Variants in PTPN21 observed in about 807,000 individuals in gnomAD.
PTPN21 encodes the protein protein tyrosine phosphatase non-receptor type 21, also known as tyrosine-protein phosphatase non-receptor type 21.
A neutral mutation model predicts 131.8 loss-of-function variants in PTPN21; 77 were observed. The ratio of observed to expected loss-of-function variants is 0.58; its 90% CI spans 0.49 to 0.71. PTPN21 has a LOEUF of 0.71. Among genes scored for constraint, PTPN21 ranks in the 30% least tolerant of loss-of-function variants. PTPN21 has a pLI of 0.00. For synonymous variants in PTPN21, 715 were observed against 621.3 expected, an observed-to-expected ratio of 1.15 and a Z score of -2.24; for missense variants, 1,552 against 1,527.1, an observed-to-expected ratio of 1.02 and a Z score of -0.27.
rs1475427570 is a variant in PTPN21, at chr14:88,504,432, T to A, written c.580A>T (p.Lys194Ter). 6.2e-7 allele frequency: 1 copy of A among 1,601,188 alleles called. No homozygotes were observed. Residue 194 changes from lysine (K) to a stop codon, truncating the protein, a stop_gained, in exon 6 of 19, where the codon AAA becomes TAA. Coordinates refer to ENST00000556564, the MANE Select transcript of PTPN21 (RefSeq NM_007039.4). LOFTEE classifies it high-confidence loss of function. ...CTTATTTCTTAGAGTTACCTGTATT[T>A]CTGATGTAGTAAGGCCACTTTTTGG... ...ATQKVALLHQKYRGLTAPDAE... is the reference protein window; with the variant it reads ...ATQKVALLHQ
chr14:88,496,949 G>C (rs1209363068), intron 9 of PTPN21, among the ~76,000 whole-genome samples: 1 of 152,082 alleles, frequency 6.6e-6, no homozygotes, highest in Non-Finnish European at 1.5e-5. Flanking sequence ...CATAATCCCT[G>C]AAGTTTAATT....
At chr14:88,503,178 G>A (rs1337405982) in intron 6 of PTPN21, among the ~76,000 whole-genome samples, 17 of 151,670 alleles carry the variant, frequency 1.1e-4, no homozygotes, top group Admixed American at 9.2e-4. Flanking sequence ...TGAGACTACC[G>A]GTGCATGCCA....
At chr14:88,515,527 T>C (rs1019917842) in intron 3 of PTPN21, 8 of 152,186 alleles carry the variant, frequency 5.3e-5, no homozygotes, top group African/African-American at 1.9e-4. Context: ...CTAATGTCTA[T>C]TTTTAAAACC....
intron 2 of PTPN21, among the ~76,000 whole-genome samples, chr14:88,527,553 A>G (rs2139333747): frequency 6.6e-6 from 1 of 152,294 alleles, no homozygotes; most frequent in East Asian, 1.9e-4. Flanking sequence ...GATTCTGGAT[A>G]TTAGTCCTTT....
rs1164973810 is a variant in PTPN21 at position 88,496,451 on chromosome 14, AAC to A, written c.892_893del (p.Val298CysfsTer12). On this transcript the variant is annotated frameshift_variant, in exon 10 of 19. Transcript: ENST00000556564. LOFTEE classifies it high-confidence loss of function. ...ETAKYIWRLC[V>X]ARHKFYRLNQ... Reference sequence around the variant, plus strand: ...TTAGTCTGTAAAACTTGTGTCGCGCAACACAGAGTCTCCAAATGTATTTTGCT... The same window carrying A: ...TTAGTCTGTAAAACTTGTGTCGCGCAACAGAGTCTCCAAATGTATTTTGCT... The A allele has an allele frequency of 3.7e-6, 6 of 1,614,010 alleles. No individual in the cohort carries two copies. Among genetic ancestry groups the A allele is most frequent in the South Asian group, 2.2e-5 (2 of 91,064 alleles).
intron 2 of PTPN21, among the ~76,000 whole-genome samples, chr14:88,541,546 A>G (rs908790334): frequency 1.3e-5 from 2 of 152,238 alleles, no homozygotes; most frequent in Non-Finnish European, 2.9e-5. Flanking sequence ...GATGCATCAC[A>G]TACCTGCTGC....
chr14:88,508,120 A>C, intron 3 of PTPN21, 100 bp from the exon 4 acceptor site: 3 of 592,782 alleles, frequency 5.1e-6, no homozygotes, highest in Non-Finnish European at 8.4e-6. Flanking sequence ...AACCAGTGAA[A>C]TAAAACCTTA....
At chr14:88,515,055 G>A (rs1476819896) in intron 3 of PTPN21, 2 of 152,150 alleles carry the variant, frequency 1.3e-5, no homozygotes, top group East Asian at 1.9e-4. Flanking sequence ...TGGACCAAGA[G>A]GTAACCTAGT....
At chr14:88,506,336 T>C (rs968380007) in intron 4 of PTPN21, among the ~76,000 whole-genome samples, 1 of 151,554 alleles carries the variant, frequency 6.6e-6, no homozygotes, top group African/African-American at 2.4e-5. Context: ...TAAGACTGTC[T>C]CCAAAAAAAG....
intron 13 of PTPN21, among the ~76,000 whole-genome samples, chr14:88,478,122 A>G (rs2077574783): frequency 1.3e-5 from 2 of 152,214 alleles, no homozygotes; most frequent in Admixed American, 6.5e-5. Context: ...GGCTTACTGT[A>G]AATAGGCCAC....
At position 88,479,586 on chromosome 14, in the gene PTPN21, G is replaced by A. The variant is rs61744329; in HGVS notation, c.1845C>T (p.His615=). ...GGGGCTCGCTGACCTCCTGCAGCGA[G>A]TGCGCCACGGGCAGGCTGTCCTCCT... ...TFQEDSLPVA[H]SLQEVSEPLT... is the part of the protein sequence containing the mutation. The change falls in exon 13 of 19, where the codon CAC becomes CAT. Residue 615 remains histidine (H), a synonymous_variant. Transcript: ENST00000556564. 6.9e-3 allele frequency: 11,028 copies of A among 1,592,242 alleles called. 655 individuals are homozygous for A. The African/African-American group carries it at 0.13, about 19-fold the overall frequency.
At chr14:88,530,812 T>C (rs2078546166) in intron 2 of PTPN21, among the ~76,000 whole-genome samples, 1 of 151,432 alleles carries the variant, frequency 6.6e-6, no homozygotes, top group Non-Finnish European at 1.5e-5. Context: ...ACCAAAAAAA[T>C]GAGATAGATG....
chr14:88,489,182 G>T (rs2077783700), intron 10 of PTPN21, among the ~76,000 whole-genome samples: 1 of 152,178 alleles, frequency 6.6e-6, no homozygotes, highest in South Asian at 2.1e-4. Context: ...CTGAGCAAAT[G>T]AGTGACTAAC....
intron 2 of PTPN21, among the ~76,000 whole-genome samples, chr14:88,541,454 A>C (rs1366303940): frequency 2.6e-5 from 4 of 152,256 alleles, no homozygotes; most frequent in African/African-American, 9.6e-5. Context: ...TGACAAGAAG[A>C]ATGATACAGA....
Position 88,469,411 on chromosome 14 carries a change from A to T in PTPN21, c.3235+88T>A. On this transcript the variant is annotated intron_variant, in intron 17 of 18. Coordinates refer to ENST00000556564, the MANE Select transcript of PTPN21 (RefSeq NM_007039.4). The surrounding 1 kb of genome is among the most constrained non-coding windows in gnomAD (Gnocchi z 4.3). The stretch of plus-strand genomic sequence containing the variant: ...GTCCGAAGCTTATATGAGATAACAT[A>T]AAGGAAATATTTCGGAAACATAAAT... The T allele has an allele frequency of 1.7e-6, 2 of 1,181,240 alleles. No individual in the cohort carries two copies. The highest frequency in any genetic ancestry group is 2.5e-6 in the Non-Finnish European group (2 of 813,216). 73.2% of individuals were successfully genotyped at this position (1,181,240 alleles called of 1,614,324 possible). A position where few individuals can be genotyped will look rare whatever the true frequency, so the allele number is the denominator to read the frequency against.
At chr14:88,512,667 T>C (rs1435688324) in intron 3 of PTPN21, 2 of 152,196 alleles carry the variant, frequency 1.3e-5, no homozygotes, top group Admixed American at 6.5e-5. Context: ...CACTGCCCAA[T>C]ATAGTAGCCA....
intron 7 of PTPN21, 91 bp downstream of exon 7, chr14:88,501,190 T>C: frequency 8.4e-7 from 1 of 1,197,060 alleles, no homozygotes; most frequent in Admixed American, 1.7e-5. Context: ...TCCTCAGCCT[T>C]TGCACATAAG....
intron 3 of PTPN21, among the ~76,000 whole-genome samples, chr14:88,511,603 A>G (rs1305860625): frequency 6.6e-6 from 1 of 152,294 alleles, no homozygotes; most frequent in Non-Finnish European, 1.5e-5. Flanking sequence ...CAGGAGTCGG[A>G]TGTTGCAGTG....
rs1408275411 is a variant in PTPN21 at position 88,486,888 on chromosome 14, G to C, written c.933-1046C>G. 1.3e-5 allele frequency among the ~76,000 whole-genome samples: 2 copies of C among 150,318 alleles called. 1 individual carries two copies. The highest frequency in any genetic ancestry group is 3.9e-4 in the East Asian group (2 of 5,084). ...CTACTCGGGAGTCTGAGGCAGGGGA[G>C]TCACTTGAACCCAGGAGGCAGAGGT... On this transcript the variant is annotated intron_variant, in intron 10 of 18. Coordinates refer to ENST00000556564, the MANE Select transcript of PTPN21 (RefSeq NM_007039.4).
Sources: gnomAD v4.1 joint callset for allele counts (sites outside exome capture counted in the v4.1 genomes callset) on GRCh38, gnomAD v4.1.1 for gene constraint, Gnocchi (gnomAD v3.1) non-coding constraint, MANE v1.5 for transcripts, NCBI Gene and HGNC (gene_info 2026-07-23, HGNC 2026-07-21) for gene names.